Variants in C11orf58 observed in about 807,000 individuals in gnomAD.
The protein encoded by C11orf58 is chromosome 11 open reading frame 58.
Under a neutral mutation model 22.7 loss-of-function variants are expected in C11orf58, and 5 were observed. The observed-to-expected ratio is 0.22, with a 90% CI of 0.12 to 0.46. C11orf58 has a LOEUF of 0.46. Ranked by LOEUF, C11orf58 falls within the 20% of genes least tolerant of loss-of-function variation. C11orf58 has a pLI of 0.99. For missense variants in C11orf58, 151 were observed against 223.3 expected (o/e 0.68, Z 2.06); for synonymous variants, 71 against 70.7 (o/e 1.00, Z -0.02).
chr11:16,739,946 G>A (rs1207572735), intron 1 of C11orf58, among the ~76,000 whole-genome samples: 1 of 152,218 alleles, frequency 6.6e-6, no homozygotes, highest in Non-Finnish European at 1.5e-5. Context: ...CTGATGGGAG[G>A]TGGGGCGAGG....
intron 3 of C11orf58, chr11:16,752,081 A>G (rs1848537842): frequency 6.5e-6 from 1 of 153,248 alleles, no homozygotes; most frequent in Non-Finnish European, 1.5e-5. Flanking sequence ...CATAAGCAAC[A>G]CACTTAGGGT....
At chr11:16,754,162 A>G (rs1477701083) in intron 4 of C11orf58, 2 of 395,700 alleles carry the variant, frequency 5.1e-6, no homozygotes, top group Non-Finnish European at 8.9e-6. Flanking sequence ...TGTTTACTCC[A>G]AAGTAATACA....
chr11:16,740,225 GAC>G (rs1848435029), intron 1 of C11orf58, among the ~76,000 whole-genome samples: 1 of 152,162 alleles, frequency 6.6e-6, no homozygotes, highest in African/African-American at 2.4e-5. Context: ...TAGGATATCA[GAC>G]ACCTGTTTGG....
intron 3 of C11orf58, chr11:16,751,207 A>G (rs1156667500): frequency 6.6e-6 from 1 of 152,176 alleles, no homozygotes; most frequent in Non-Finnish European, 1.5e-5. Flanking sequence ...GGGTCACAAA[A>G]TTGCTTACTT....
chr11:16,744,512 A>G (rs1004800743), intron 1 of C11orf58, 89 bp from the exon 2 acceptor site: 44 of 1,027,396 alleles, frequency 4.3e-5, no homozygotes, highest in Non-Finnish European at 5.9e-5. Flanking sequence ...CTGACAGGGG[A>G]AAAAAACTTG....
intron 3 of C11orf58, chr11:16,750,484 C>T (rs1220003404): frequency 2.0e-5 from 3 of 152,238 alleles, no homozygotes; most frequent in East Asian, 3.8e-4. Flanking sequence ...CTGCTAAGGA[C>T]ATCTGTTGTG....
intron 4 of C11orf58, chr11:16,753,918 CA>C: frequency 1.8e-6 from 1 of 551,576 alleles, no homozygotes; most frequent in Non-Finnish European, 3.3e-6. Flanking sequence ...AGGCTGGTCT[CA>C]AAACTCCTGG....
intron 1 of C11orf58, 151 bp from the exon 2 acceptor site, chr11:16,744,450 G>A (rs1848473127): frequency 1.6e-6 from 1 of 617,006 alleles, no homozygotes; most frequent in East Asian, 2.8e-5. Flanking sequence ...TGAATGTGAT[G>A]AATATGCTTA....
intron 2 of C11orf58, among the ~76,000 whole-genome samples, chr11:16,745,237 A>T (rs1848478746): frequency 6.6e-6 from 1 of 152,180 alleles, no homozygotes; most frequent in Non-Finnish European, 1.5e-5. Flanking sequence ...AATGTTCAAG[A>T]TACTTTGAAA....
In C11orf58 at chr11:16,757,355, G is replaced by A. The variant is rs1590077642; in HGVS notation, c.*2251G>A. Among the ~76,000 whole-genome samples, 1 of 152,240 alleles carries A rather than the reference G, an allele frequency of 6.6e-6. No individual in the cohort carries two copies. The highest frequency in any genetic ancestry group is 3.4e-3 in the Middle Eastern group (1 of 294). On this transcript the variant is annotated 3_prime_UTR_variant, in exon 5 of 5. Coordinates refer to ENST00000228136, the MANE Select transcript of C11orf58 (RefSeq NM_014267.6). Reference sequence around the variant, plus strand: ...GGTCTTGTTTCTGATAAGGAAATAGGAGCAACTTGTTTTAAAATAACTACA... The same window carrying A: ...GGTCTTGTTTCTGATAAGGAAATAGAAGCAACTTGTTTTAAAATAACTACA...
intron 3 of C11orf58, chr11:16,749,420 A>T (rs1012526455): frequency 1.3e-5 from 2 of 152,230 alleles, no homozygotes; most frequent in Non-Finnish European, 1.5e-5. Flanking sequence ...GAATGGAAAA[A>T]TATTTCAACT....
rs1848565557 is a variant in C11orf58, at chr11:16,755,055, A to C, written c.503A>C (p.Asp168Ala). The change falls in exon 5 of 5, where the codon GAT becomes GCT. Residue 168 changes from aspartate to alanine, a missense_variant. Coordinates refer to ENST00000228136, the MANE Select transcript of C11orf58 (RefSeq NM_014267.6). Reference protein sequence around the residue: ...DEVEDPKNKKDAKSNYKMMFV... With the variant: ...DEVEDPKNKKAAKSNYKMMFV... Reference sequence around the variant, plus strand: ...GTGGAGGATCCCAAAAACAAAAAAGATGCAAAAAGCAATTATAAAATGATG... The same window carrying C: ...GTGGAGGATCCCAAAAACAAAAAAGCTGCAAAAAGCAATTATAAAATGATG... The C allele has an allele frequency of 1.2e-6, 2 of 1,614,088 alleles. No homozygotes were observed. Among genetic ancestry groups the C allele is most frequent in the African/African-American group, 2.7e-5 (2 of 74,930 alleles).
At chr11:16,750,068 G>C (rs1210076822) in intron 3 of C11orf58, 1 of 152,164 alleles carries the variant, frequency 6.6e-6, no homozygotes, top group Admixed American at 6.5e-5. Context: ...CTTTGAAAAG[G>C]GGGAAAGACC....
At chr11:16,750,810 G>A (rs10766343) in intron 3 of C11orf58, 40,053 of 152,226 alleles carry the variant, frequency 0.26, 5,723 homozygotes, top group East Asian at 0.48. Flanking sequence ...ATTTTGTATC[G>A]ATATATGCAG....
Position 16,757,476 on chromosome 11 carries a change from G to T in C11orf58, c.*2372G>T, listed in dbSNP as rs577175322. Among the ~76,000 whole-genome samples, 8 of 152,226 alleles carry T rather than the reference G, an allele frequency of 5.3e-5. No individual in the cohort carries two copies. Among genetic ancestry groups the T allele is most frequent in the Middle Eastern group, 3.4e-3 (1 of 294 alleles). On this transcript the variant is annotated 3_prime_UTR_variant, in exon 5 of 5. Transcript: ENST00000228136. ...AAATTCAGGGTTAGAGTAAATTTAG[G>T]TCTGTTGGTCCATGTGGCCTGGTTT...
intron 3 of C11orf58, 105 bp downstream of exon 3, chr11:16,748,262 T>C: frequency 1.0e-6 from 1 of 972,402 alleles, no homozygotes; most frequent in Non-Finnish European, 1.6e-6. Context: ...GTGTAAATTA[T>C]TAAAATATTA....
rs1387505764 is a variant in C11orf58, at chr11:16,758,330, G to C, written c.*3226G>C. On this transcript the variant is annotated 3_prime_UTR_variant, in exon 5 of 5. Coordinates refer to ENST00000228136, the MANE Select transcript of C11orf58 (RefSeq NM_014267.6). Reference sequence around the variant, plus strand: ...TATAAATCCGTATTAGTAAAAATTGGTTTTAACTGACCTCAGCACTGCCCA... The same window carrying C: ...TATAAATCCGTATTAGTAAAAATTGCTTTTAACTGACCTCAGCACTGCCCA... 3.3e-5 allele frequency among the ~76,000 whole-genome samples: 5 copies of C among 152,178 alleles called. No individual in the cohort carries two copies. Among genetic ancestry groups the C allele is most frequent in the Non-Finnish European group, 4.4e-5 (3 of 68,040 alleles).
At position 16,755,267 on chromosome 11, in the gene C11orf58, A is replaced by G. The variant is rs1388042645; in HGVS notation, c.*163A>G. Reference sequence around the variant, plus strand: ...TTCAAATGCCATGGGTTACACTTTTATGGGCATGACTATAACCATTTTTGT... The same window carrying G: ...TTCAAATGCCATGGGTTACACTTTTGTGGGCATGACTATAACCATTTTTGT... On this transcript the variant is annotated 3_prime_UTR_variant, in exon 5 of 5. Transcript: ENST00000228136. 1 of 790,088 alleles carries G rather than the reference A, an allele frequency of 1.3e-6. No homozygotes were observed. The highest frequency in any genetic ancestry group is 2.6e-5 in the East Asian group (1 of 39,208). 48.9% of individuals were successfully genotyped at this position (790,088 alleles called of 1,614,324 possible).
chr11:16,754,723 T>G, intron 4 of C11orf58, 148 bp from the exon 5 acceptor site: 1 of 1,337,102 alleles, frequency 7.5e-7, no homozygotes, highest in South Asian at 1.5e-5. Context: ...GACAGAGCTC[T>G]TTCTTAAAAT....
Sources: gnomAD v4.1 joint callset for allele counts (sites outside exome capture counted in the v4.1 genomes callset) on GRCh38, gnomAD v4.1.1 for gene constraint, MANE v1.5 for transcripts, NCBI Gene and HGNC (gene_info 2026-07-23, HGNC 2026-07-21) for gene names.